DPP6: variants seen among roughly 807,000 people sequenced by gnomAD.
DPP6 encodes the protein A-type potassium channel modulatory protein DPP6.
In DPP6, 69 loss-of-function variants were observed where a neutral mutation model predicts 122.6. The observed-to-expected ratio is 0.56, with a 90% confidence interval of 0.46 to 0.69. DPP6 has a LOEUF of 0.69. Among genes scored for constraint, DPP6 ranks in the 30% least tolerant of loss-of-function variants. The pLI is 0.00. For missense variants in DPP6, 928 were observed against 1,116.9 expected (o/e 0.83, Z 2.41); for synonymous variants, 418 against 433.1 (o/e 0.97, Z 0.43).
Position 154,052,736 on chromosome 7 carries a change from T to C in DPP6, c.-85T>C. 1 of 1,273,042 alleles carries C rather than the reference T, an allele frequency of 7.9e-7. No individual in the cohort carries two copies. The highest frequency in any genetic ancestry group is 1.0e-6 in the Non-Finnish European group (1 of 989,096). The allele number at this position is 1,273,042 out of a possible 1,614,324, so 78.9% of individuals were successfully genotyped here. On this transcript the variant is annotated 5_prime_UTR_variant, in exon 1 of 26. Coordinates refer to ENST00000377770, the MANE Select transcript of DPP6 (RefSeq NM_130797.4). The surrounding 1 kb of genome is among the most constrained non-coding windows in gnomAD (Gnocchi z 4.8). ...CCCCACCGCCTTTTTTTTTTTTTAA[T>C]CTGGAGCGGGGTGGGGAGTGGGAAC...
intron 1 of DPP6, among the ~76,000 whole-genome samples, chr7:153,985,109 C>T (rs180906077): frequency 6.6e-6 from 1 of 152,316 alleles, no homozygotes; most frequent in Admixed American, 6.5e-5. Context: ...GAGTACTGTA[C>T]CTATTTGCCC....
intron 1 of DPP6, among the ~76,000 whole-genome samples, chr7:154,310,604 C>G (rs541573337): frequency 6.6e-6 from 1 of 152,226 alleles, no homozygotes; most frequent in South Asian, 2.1e-4. Context: ...CAAATCCAGC[C>G]CCCTCATTCT....
intron 1 of DPP6, among the ~76,000 whole-genome samples, chr7:154,205,649 G>T (rs1287164921): frequency 1.3e-5 from 2 of 152,014 alleles, no homozygotes; most frequent in African/African-American, 4.8e-5. Context: ...ATCACCCATG[G>T]CACAGCCTGA....
intron 10 of DPP6, chr7:154,793,798 C>T: frequency 3.0e-6 from 1 of 336,018 alleles, no homozygotes; most frequent in East Asian, 6.0e-5. Flanking sequence ...ACGGAGCAGC[C>T]CCCACACCCC....
intron 1 of DPP6, among the ~76,000 whole-genome samples, chr7:154,105,457 T>TCACCCACCAGCAGG (rs1806090784): frequency 6.6e-6 from 1 of 152,212 alleles, no homozygotes; most frequent in Non-Finnish European, 1.5e-5. Flanking sequence ...CCTTTCCTCA[T>TCACCCACCAGCAGG]CACCCACCAG....
chr7:153,997,801 A>G (rs940490927), intron 1 of DPP6, among the ~76,000 whole-genome samples: 1 of 150,388 alleles, frequency 6.6e-6, no homozygotes, highest in Non-Finnish European at 1.5e-5. Flanking sequence ...GCAGGCTACA[A>G]GGGAGGCAGG....
intron 1 of DPP6, among the ~76,000 whole-genome samples, chr7:154,060,301 C>T (rs1488912128): frequency 7.5e-6 from 1 of 133,344 alleles, no homozygotes; most frequent in Non-Finnish European, 1.7e-5. Flanking sequence ...CCTCTTCCCC[C>T]CCTGGCTCTT....
chr7:154,489,433 A>G (rs534387949), intron 3 of DPP6, among the ~76,000 whole-genome samples: 1 of 152,328 alleles, frequency 6.6e-6, no homozygotes, highest in South Asian at 2.1e-4. Context: ...GGCACTTTGC[A>G]GTTGAAATGG....
intron 1 of DPP6, among the ~76,000 whole-genome samples, chr7:154,382,286 C>A (rs1015909422): frequency 1.4e-4 from 21 of 152,078 alleles, no homozygotes; most frequent in African/African-American, 5.1e-4. Flanking sequence ...CTCCCAGGTT[C>A]AAGCAATTCT....
chr7:154,608,266 C>T (rs542131496), intron 5 of DPP6, among the ~76,000 whole-genome samples: 17 of 147,522 alleles, frequency 1.2e-4, no homozygotes, highest in African/African-American at 3.7e-4. Context: ...GCGTGAGCCA[C>T]TGTGCCCCAC....
chr7:154,178,641 A>C (rs765373922), intron 1 of DPP6, among the ~76,000 whole-genome samples: 2 of 152,236 alleles, frequency 1.3e-5, no homozygotes, highest in Non-Finnish European at 2.9e-5. Flanking sequence ...TGTTGGAAGG[A>C]AGTCACTGAC....
intron 16 of DPP6, among the ~76,000 whole-genome samples, chr7:154,841,732 C>T (rs969306239): frequency 6.6e-5 from 10 of 151,682 alleles, no homozygotes; most frequent in African/African-American, 1.9e-4. Flanking sequence ...CTTTTGTGAG[C>T]GTGTAAAACA....
chr7:153,917,723 A>G (rs1800389318), intron 1 of DPP6, among the ~76,000 whole-genome samples: 1 of 152,224 alleles, frequency 6.6e-6, no homozygotes. Context: ...CTAGTGTGAC[A>G]TGCGAAGGGT....
the DPP6 span, among the ~76,000 whole-genome samples, chr7:153,798,364 A>G: frequency 1.2e-3 from 179 of 152,310 alleles, 2 homozygotes; most frequent in South Asian, 0.018. Context: ...TCCCTAGAAG[A>G]AAGAAATGTC....
intron 6 of DPP6, among the ~76,000 whole-genome samples, chr7:154,661,976 G>C (rs1195206318): frequency 6.7e-6 from 1 of 150,010 alleles, no homozygotes; most frequent in Non-Finnish European, 1.5e-5. Context: ...AATCAGCATG[G>C]TGTATTGGCG....
chr7:153,975,840 T>G (rs1299826509), intron 1 of DPP6, among the ~76,000 whole-genome samples: 1 of 152,220 alleles, frequency 6.6e-6, no homozygotes, highest in Non-Finnish European at 1.5e-5. Flanking sequence ...GCTCTAGCCG[T>G]CACTCAATGT....
rs556906771 is a variant in DPP6 at position 154,460,335 on chromosome 7, G to A, written c.358+14007G>A. 9.2e-5 allele frequency among the ~76,000 whole-genome samples: 14 copies of A among 152,180 alleles called. No individual in the cohort carries two copies. The East Asian group carries it at 1.9e-3, about 21-fold the overall frequency. ...GATATGTCAATGTCCACAGACTACC[G>A]ACTACGAAGGTCAAAATTTAGCTGC... On this transcript the variant is annotated intron_variant, in intron 2 of 25. Coordinates refer to ENST00000377770, the MANE Select transcript of DPP6 (RefSeq NM_130797.4).
At chr7:154,045,473 C>G (rs1303190994) in intron 1 of DPP6, among the ~76,000 whole-genome samples, 1 of 152,232 alleles carries the variant, frequency 6.6e-6, no homozygotes, top group Non-Finnish European at 1.5e-5. Flanking sequence ...CGGCCCCAGC[C>G]CTGAGTTTCA....
At chr7:154,822,436 C>T (rs1203724109) in intron 16 of DPP6, among the ~76,000 whole-genome samples, 2 of 152,148 alleles carry the variant, frequency 1.3e-5, no homozygotes, top group Non-Finnish European at 2.9e-5. Context: ...GAGGCCTCCA[C>T]CCTCGTGATT....
Sources: gnomAD v4.1 joint callset for allele counts (sites outside exome capture counted in the v4.1 genomes callset) on GRCh38, gnomAD v4.1.1 for gene constraint, Gnocchi (gnomAD v3.1) non-coding constraint, MANE v1.5 for transcripts, NCBI Gene and HGNC (gene_info 2026-07-23, HGNC 2026-07-21) for gene names.